WWOX: variants seen among roughly 807,000 people sequenced by gnomAD.
The protein encoded by WWOX is WW domain containing oxidoreductase.
A neutral mutation model predicts 46.2 loss-of-function variants in WWOX; 69 were observed. That is an observed-to-expected ratio of 1.49 (90% CI 1.23 to 1.82). The LOEUF (loss-of-function observed/expected upper bound fraction) is 1.82, where lower values mean the gene tolerates loss of function less well. Ranked by LOEUF, WWOX falls within the 40% of genes most tolerant of loss-of-function variation. The pLI is 0.00. For missense variants in WWOX, 919 were observed against 542.6 expected (o/e 1.69, Z -6.89); for synonymous variants, 359 against 202.6 (o/e 1.77, Z -6.56).
intron 8 of WWOX, among the ~76,000 whole-genome samples, chr16:78,863,975 A>G (rs1231736382): frequency 6.6e-6 from 1 of 152,170 alleles, no homozygotes; most frequent in Non-Finnish European, 1.5e-5. Context: ...TGGATATACC[A>G]AATATTTTTC....
intron 5 of WWOX, among the ~76,000 whole-genome samples, chr16:78,340,017 T>TGGGCGGGG (rs1555522669): frequency 3.0e-4 from 2 of 6,776 alleles, no homozygotes; most frequent in Admixed American, 2.4e-3. Context: ...ATGGATTTGG[T>TGGGCGGGG]GGGGGGGGGG....
intron 8 of WWOX, among the ~76,000 whole-genome samples, chr16:78,887,300 C>G (rs901707476): frequency 2.0e-5 from 3 of 152,008 alleles, no homozygotes; most frequent in African/African-American, 4.8e-5. Flanking sequence ...TCCTGACTCT[C>G]TATGCAGCCC....
At chr16:78,235,735 C>T (rs577912628) in intron 5 of WWOX, among the ~76,000 whole-genome samples, 123 of 152,330 alleles carry the variant, frequency 8.1e-4, no homozygotes, top group African/African-American at 2.8e-3. Flanking sequence ...AGGCTGTCCT[C>T]ACGTCATGGG....
chr16:78,791,340 G>T (rs753478612), intron 8 of WWOX, among the ~76,000 whole-genome samples: 1 of 152,122 alleles, frequency 6.6e-6, no homozygotes, highest in Non-Finnish European at 1.5e-5. Context: ...GCAGTCTCAG[G>T]TTTATGTATT....
intron 8 of WWOX, among the ~76,000 whole-genome samples, chr16:79,076,842 A>G (rs2048666606): frequency 1.3e-5 from 2 of 152,260 alleles, no homozygotes; most frequent in Admixed American, 1.3e-4. Flanking sequence ...TGTGAATAAC[A>G]ACAATGGCTA....
intron 8 of WWOX, among the ~76,000 whole-genome samples, chr16:78,966,016 A>T (rs1002703133): frequency 6.6e-6 from 1 of 152,188 alleles, no homozygotes; most frequent in African/African-American, 2.4e-5. Context: ...GGAAAAAGTT[A>T]TCTCCAGGTG....
At chr16:78,611,328 A>G (rs2045895292) in intron 8 of WWOX, among the ~76,000 whole-genome samples, 1 of 152,246 alleles carries the variant, frequency 6.6e-6, no homozygotes, top group Admixed American at 6.5e-5. Context: ...GCAATTAGAT[A>G]ATACAAAAAT....
chr16:78,841,663 A>G (rs987087033), intron 8 of WWOX, among the ~76,000 whole-genome samples: 1 of 152,246 alleles, frequency 6.6e-6, no homozygotes, highest in Non-Finnish European at 1.5e-5. Context: ...TCTTGAATCC[A>G]AACCTATAAG....
chr16:79,058,431 G>A (rs891499633), intron 8 of WWOX, among the ~76,000 whole-genome samples: 1 of 151,920 alleles, frequency 6.6e-6, no homozygotes, highest in African/African-American at 2.4e-5. Flanking sequence ...TTTATTGAAA[G>A]GGAATGATGA....
chr16:78,477,760 A>G (rs1342870260), intron 8 of WWOX, among the ~76,000 whole-genome samples: 2 of 152,160 alleles, frequency 1.3e-5, no homozygotes, highest in Admixed American at 1.3e-4. Context: ...TAGCACTTTA[A>G]TTTTTTAATT....
intron 8 of WWOX, among the ~76,000 whole-genome samples, chr16:78,791,544 G>C (rs560960648): frequency 6.6e-6 from 1 of 152,082 alleles, no homozygotes. Context: ...CTGCTCTAAG[G>C]ATCATACCTT....
intron 5 of WWOX, among the ~76,000 whole-genome samples, chr16:78,189,012 G>T (rs2035797496): frequency 6.6e-6 from 1 of 152,136 alleles, no homozygotes. Flanking sequence ...AAATTTGGAG[G>T]TGCAGGCAGA....
chr16:78,505,686 C>T (rs1452755459), intron 8 of WWOX, among the ~76,000 whole-genome samples: 2 of 151,402 alleles, frequency 1.3e-5, no homozygotes, highest in African/African-American at 4.9e-5. Context: ...CATTCCCAGT[C>T]CTGGCCATGC....
rs2032289513 is a variant in WWOX at position 78,108,433 on chromosome 16, G to A, written c.118G>A (p.Glu40Lys). 1 of 1,613,666 alleles carries A rather than the reference G, an allele frequency of 6.2e-7. No individual in the cohort carries two copies. The highest frequency in any genetic ancestry group is 1.7e-5 in the Admixed American group (1 of 59,984). ...TTTGTTTTTTAACAGTCACACCGAG[G>A]AGAAGACTCAGTGGGAACATCCAAA... ...GWVYYANHTE[E>K]KTQWEHPKTG... Residue 40 changes from glutamate (E) to lysine (K), a missense_variant, in exon 2 of 9, where the codon GAG becomes AAG. Physicochemically the swap from Glu to Lys is moderately conservative, Grantham distance 56. Coordinates refer to ENST00000566780, the MANE Select transcript of WWOX (RefSeq NM_016373.4).
intron 8 of WWOX, among the ~76,000 whole-genome samples, chr16:79,180,725 GTCTA>G (rs1007093223): frequency 2.3e-4 from 34 of 148,428 alleles, no homozygotes; most frequent in South Asian, 8.5e-4. Context: ...TTGTCTCCCT[GTCTA>G]TCTGTCTGTG....
chr16:79,019,156 TCAAAAA>T (rs2047477387), intron 8 of WWOX, among the ~76,000 whole-genome samples: 1 of 9,322 alleles, frequency 1.1e-4, no homozygotes, highest in Admixed American at 2.1e-3. Flanking sequence ...CGACCTTGTC[TCAAAAA>T]AAAAAAAAAA....
chr16:79,159,498 A>T (rs1362048688), intron 8 of WWOX, among the ~76,000 whole-genome samples: 2 of 152,142 alleles, frequency 1.3e-5, no homozygotes, highest in Non-Finnish European at 2.9e-5. Flanking sequence ...CGGTTGTTAT[A>T]CCACTGATTA....
At chr16:79,164,391 A>AT (rs1302555336) in intron 8 of WWOX, among the ~76,000 whole-genome samples, 1 of 151,816 alleles carries the variant, frequency 6.6e-6, no homozygotes, top group Non-Finnish European at 1.5e-5. Context: ...ATAAGAAGCC[A>AT]TTTTTTCCCC....
At chr16:78,811,037 G>A (rs1300858411) in intron 8 of WWOX, among the ~76,000 whole-genome samples, 1 of 152,160 alleles carries the variant, frequency 6.6e-6, no homozygotes, top group Non-Finnish European at 1.5e-5. Flanking sequence ...TATTTCAGAG[G>A]TTTATAAAGG....
Sources: allele counts gnomAD v4.1 joint callset (sites outside exome capture counted in the v4.1 genomes callset), GRCh38; gene constraint gnomAD v4.1.1; transcripts MANE v1.5; gene names NCBI Gene and HGNC (gene_info 2026-07-23, HGNC 2026-07-21).